Variants in TTF2 observed in about 807,000 individuals in gnomAD.
The protein encoded by TTF2 is transcription termination factor 2.
A neutral mutation model predicts 142.4 loss-of-function variants in TTF2; 108 were observed. The observed-to-expected ratio is 0.76, with a 90% confidence interval of 0.65 to 0.89. The LOEUF (loss-of-function observed/expected upper bound fraction) is 0.89. Ranked by LOEUF, TTF2 falls within the 40% of genes least tolerant of loss-of-function variation. TTF2 has a pLI of 0.00. For synonymous variants in TTF2, 483 were observed against 506.2 expected, an observed-to-expected ratio of 0.95 and a Z score of 0.61; for missense variants, 1,327 against 1,379.8, an observed-to-expected ratio of 0.96 and a Z score of 0.61.
At position 117,086,638 on chromosome 1, in the gene TTF2, A is replaced by G; in HGVS notation, c.2160+116A>G. 1.5e-6 allele frequency: 1 copy of G among 682,022 alleles called. No homozygotes were observed. Among genetic ancestry groups the G allele is most frequent in the Non-Finnish European group, 2.6e-6 (1 of 381,916 alleles). 42.2% of individuals were successfully genotyped at this position (682,022 alleles called of 1,614,324 possible). On this transcript the variant is annotated intron_variant, in intron 12 of 22. Transcript: ENST00000369466. This position sits in a 1 kb window ranked among gnomAD's most constrained non-coding sequence, Gnocchi z 4.2. ...TCCCTGGAGGTCAGGAATGCTGTAA[A>G]TGATCCGCATGTGGAAAGGAATTGT...
At chr1:117,060,422 G>C in intron 1 of TTF2, 33 bp from the exon 2 acceptor site, 1 of 1,610,534 alleles carries the variant, frequency 6.2e-7, no homozygotes, top group Non-Finnish European at 8.5e-7. Flanking sequence ...ATTTAGCGTG[G>C]CGTAATCGTT....
In TTF2 at chr1:117,075,074, G is replaced by A. The variant is rs1376576108; in HGVS notation, c.490G>A (p.Asp164Asn). 4.3e-6 allele frequency: 7 copies of A among 1,613,902 alleles called. No homozygotes were observed. Among genetic ancestry groups the A allele is most frequent in the African/African-American group, 1.3e-5 (1 of 74,948 alleles). Residue 164 changes from aspartate to asparagine, a missense_variant, in exon 5 of 23, where the codon GAT becomes AAT. Physicochemically the swap from Asp to Asn is conservative, Grantham distance 23. Coordinates refer to ENST00000369466, the MANE Select transcript of TTF2 (RefSeq NM_003594.4). This position sits in a 1 kb window ranked among gnomAD's most constrained non-coding sequence, Gnocchi z 4.5. ...KQREKGDQLF[D>N]QKKEQKPEMM... ...AAGAGAAAAGGGAGATCAGCTTTTCGATCAAAAGAAAGAACAGAAGCCTGA... is the reference window on the plus strand; with the variant it reads ...AAGAGAAAAGGGAGATCAGCTTTTCAATCAAAAGAAAGAACAGAAGCCTGA...
Position 117,091,396 on chromosome 1 carries a change from A to T in TTF2, c.2657A>T (p.Asn886Ile), listed in dbSNP as rs967280926. ...RGNQSGRSPNNPFSRVALEFG... is the reference protein window; with the variant it reads ...RGNQSGRSPNIPFSRVALEFG... ...AACCAATCTGGAAGAAGCCCTAATA[A>T]TCCATTCAGTAGAGGTAAGCTGTAG... Residue 886 changes from asparagine (N) to isoleucine (I), a missense_variant, in exon 16 of 23, where the codon AAT becomes ATT. Transcript: ENST00000369466. 1 of 1,613,468 alleles carries T rather than the reference A, an allele frequency of 6.2e-7. No individual in the cohort carries two copies. Among genetic ancestry groups the T allele is most frequent in the Admixed American group, 1.7e-5 (1 of 59,824 alleles).
At chr1:117,081,370 T>C (rs1000467403) in intron 9 of TTF2, among the ~76,000 whole-genome samples, 1 of 152,208 alleles carries the variant, frequency 6.6e-6, no homozygotes, top group Non-Finnish European at 1.5e-5. Context: ...CCAAGAAATG[T>C]TCATTTATGT....
In TTF2 at chr1:117,079,708, CG is replaced by C; in HGVS notation, c.1783+60del. On this transcript the variant is annotated intron_variant, in intron 9 of 22. Coordinates refer to ENST00000369466, the MANE Select transcript of TTF2 (RefSeq NM_003594.4). This position sits in a 1 kb window ranked among gnomAD's most constrained non-coding sequence, Gnocchi z 4.2. ...GAATGCTTAGGCATTGTGCTAAACA[CG>C]TAGTGTTGTTTCATTTATTCCTCTC... 6.7e-7 allele frequency: 1 copy of C among 1,495,038 alleles called. No homozygotes were observed. The highest frequency in any genetic ancestry group is 9.3e-7 in the Non-Finnish European group (1 of 1,071,556). 92.6% of individuals were successfully genotyped at this position (1,495,038 alleles called of 1,614,324 possible).
chr1:117,090,396 C>A lies in TTF2; in HGVS notation c.2497-136C>A. The A allele has an allele frequency of 9.0e-7, 1 of 1,110,838 alleles. No individual in the cohort carries two copies. Among genetic ancestry groups the A allele is most frequent in the Non-Finnish European group, 1.3e-6 (1 of 770,136 alleles). 68.8% of individuals were successfully genotyped at this position (1,110,838 alleles called of 1,614,324 possible). On this transcript the variant is annotated intron_variant, in intron 14 of 22. Coordinates refer to ENST00000369466, the MANE Select transcript of TTF2 (RefSeq NM_003594.4). This position sits in a 1 kb window ranked among gnomAD's most constrained non-coding sequence, Gnocchi z 4.8. Reference sequence around the variant, plus strand: ...AATCCAGTTGTACTGTATGTTGGAGCAGTCCTGTGTCTAAGAAAGGGTGGA... The same window carrying A: ...AATCCAGTTGTACTGTATGTTGGAGAAGTCCTGTGTCTAAGAAAGGGTGGA...
intron 11 of TTF2, among the ~76,000 whole-genome samples, chr1:117,084,573 G>A (rs1332342116): frequency 6.6e-6 from 1 of 152,166 alleles, no homozygotes; most frequent in African/African-American, 2.4e-5. Context: ...AGTTGCTATA[G>A]GTTGATTATA....
rs949839873 is a variant in TTF2 at position 117,095,833 on chromosome 1, G to C, written c.3036-316G>C. On this transcript the variant is annotated intron_variant, in intron 19 of 22. Coordinates refer to ENST00000369466, the MANE Select transcript of TTF2 (RefSeq NM_003594.4). ...GAAGGGTGGTCAGTGTGTCCCTTTT[G>C]TGCAGGACCACAGATTTCTGGATGA... Among the ~76,000 whole-genome samples, 15 of 152,316 alleles carry C rather than the reference G, an allele frequency of 9.8e-5. 1 individual carries two copies. The highest frequency in any genetic ancestry group is 8.5e-4 in the Admixed American group (13 of 15,304).
At position 117,095,351 on chromosome 1, in the gene TTF2, T is replaced by G; in HGVS notation, c.3019T>G (p.Ser1007Ala). The change falls in exon 19 of 23, where the codon TCA becomes GCA. Residue 1007 changes from serine (S) to alanine (A), a missense_variant. Physicochemically the swap from Ser to Ala is moderately conservative, Grantham distance 99 (BLOSUM62 1). Transcript: ENST00000369466. ...LAELEAIQRN[S>A]ASQKSVIVSQ... Reference sequence around the variant, plus strand: ...AGAATTGGAGGCAATTCAAAGAAATTCAGCATCCCAAAAGAGGTAACTGCG... The same window carrying G: ...AGAATTGGAGGCAATTCAAAGAAATGCAGCATCCCAAAAGAGGTAACTGCG... The G allele has an allele frequency of 6.2e-7, 1 of 1,614,174 alleles. No homozygotes were observed. The highest frequency in any genetic ancestry group is 8.5e-7 in the Non-Finnish European group (1 of 1,180,006).
Position 117,092,672 on chromosome 1 carries a change from A to G in TTF2, c.2806-59A>G. The G allele has an allele frequency of 6.4e-7, 1 of 1,552,476 alleles. No homozygotes were observed. Among genetic ancestry groups the G allele is most frequent in the Non-Finnish European group, 8.7e-7 (1 of 1,147,276 alleles). On this transcript the variant is annotated intron_variant, in intron 17 of 22. Transcript: ENST00000369466. The surrounding 1 kb of genome is among the most constrained non-coding windows in gnomAD (Gnocchi z 4.4). Reference sequence around the variant, plus strand: ...GGTAAACAATCAAAACATCATCAACAAGTAACAAGGTTTGCTCCCTTGACT... The same window carrying G: ...GGTAAACAATCAAAACATCATCAACGAGTAACAAGGTTTGCTCCCTTGACT...
chr1:117,095,509 A>C (rs1649040497), intron 19 of TTF2, 142 bp downstream of exon 19: 2 of 730,614 alleles, frequency 2.7e-6, no homozygotes, highest in Non-Finnish European at 2.3e-6. Context: ...TGTGATTTCT[A>C]ATTAAAATAT....
Position 117,105,819 on chromosome 1 carries a change from T to C in TTF2, c.*4295T>C, listed in dbSNP as rs954477078. The C allele has an allele frequency of 2.0e-5, 3 of 152,220 alleles. No individual in the cohort carries two copies. The highest frequency in any genetic ancestry group is 2.4e-5 in the African/African-American group (1 of 41,450). The allele number at this position is 152,220 out of a possible 1,614,324, so 9.4% of individuals were successfully genotyped here. A position where few individuals can be genotyped will look rare whatever the true frequency, so the allele number is the denominator to read the frequency against. ...TTTTCTGTTTATGGGAGGTGACTTA[T>C]TTCTCTATCAATCCTGTGAGTGATT... On this transcript the variant is annotated 3_prime_UTR_variant, in exon 23 of 23. Coordinates refer to ENST00000369466, the MANE Select transcript of TTF2 (RefSeq NM_003594.4). This position sits in a 1 kb window ranked among gnomAD's most constrained non-coding sequence, Gnocchi z 4.7.
chr1:117,074,034 A>G (rs1324224834), intron 4 of TTF2, among the ~76,000 whole-genome samples: 2 of 152,190 alleles, frequency 1.3e-5, no homozygotes, highest in Non-Finnish European at 1.5e-5. Context: ...GTATCTTTTT[A>G]TAGAGGAATT....
Position 117,086,536 on chromosome 1 carries a change from G to A in TTF2, c.2160+14G>A, listed in dbSNP as rs367813486. The A allele has an allele frequency of 2.9e-5, 47 of 1,600,038 alleles. No homozygotes were observed. The highest frequency in any genetic ancestry group is 8.0e-5 in the African/African-American group (6 of 74,590). ...CTCAATGTGGAGGTGAGGCTGGGGG[G>A]CAGCCAGGGAAGTGGAGTTGGAGCC... On this transcript the variant is annotated intron_variant, in intron 12 of 22. Coordinates refer to ENST00000369466, the MANE Select transcript of TTF2 (RefSeq NM_003594.4). This position sits in a 1 kb window ranked among gnomAD's most constrained non-coding sequence, Gnocchi z 4.2.
In TTF2 at chr1:117,107,038, T is replaced by G. The variant is rs2101307977; in HGVS notation, c.*5514T>G. 6.6e-6 allele frequency: 1 copy of G among 152,354 alleles called. No homozygotes were observed. Among genetic ancestry groups the G allele is most frequent in the South Asian group, 2.1e-4 (1 of 4,826 alleles). The allele number at this position is 152,354 out of a possible 1,614,324, so 9.4% of individuals were successfully genotyped here. Reference sequence around the variant, plus strand: ...AGAGGCATAACGTACATCATAATGCTGCATCTTGTTGACGCTTCAATGCTC... The same window carrying G: ...AGAGGCATAACGTACATCATAATGCGGCATCTTGTTGACGCTTCAATGCTC... On this transcript the variant is annotated 3_prime_UTR_variant, in exon 23 of 23. Transcript: ENST00000369466.
intron 3 of TTF2, among the ~76,000 whole-genome samples, chr1:117,067,326 G>A (rs111637798): frequency 0.057 from 8,611 of 152,030 alleles, 340 homozygotes; most frequent in East Asian, 0.12. Context: ...GAGGCCAGGA[G>A]TTCAAGACCA....
chr1:117,089,353 A>G (rs762553844), intron 13 of TTF2, among the ~76,000 whole-genome samples: 1 of 151,408 alleles, frequency 6.6e-6, no homozygotes, highest in African/African-American at 2.4e-5. Flanking sequence ...GGCTAGCACT[A>G]CAATTTATTT....
In TTF2 at chr1:117,090,325, C is replaced by G; in HGVS notation, c.2496+117C>G. 7.1e-7 allele frequency: 1 copy of G among 1,415,620 alleles called. No homozygotes were observed. The highest frequency in any genetic ancestry group is 9.6e-7 in the Non-Finnish European group (1 of 1,040,016). The allele number at this position is 1,415,620 out of a possible 1,614,324, so 87.7% of individuals were successfully genotyped here. A position where few individuals can be genotyped will look rare whatever the true frequency, so the allele number is the denominator to read the frequency against. ...AGGAGCCTCTGAGTTTCCCATCCTC[C>G]TGTGAGGAGGCCCCAGGGTTGCAGT... On this transcript the variant is annotated intron_variant, in intron 14 of 22. Transcript: ENST00000369466. The surrounding 1 kb of genome is among the most constrained non-coding windows in gnomAD (Gnocchi z 4.8).
rs1047328197 is a variant in TTF2, at chr1:117,076,507, T to A, written c.1391-134T>A. 2 of 1,140,236 alleles carry A rather than the reference T, an allele frequency of 1.8e-6. No homozygotes were observed. The highest frequency in any genetic ancestry group is 1.6e-5 in the African/African-American group (1 of 63,932). 70.6% of individuals were successfully genotyped at this position (1,140,236 alleles called of 1,614,324 possible). On this transcript the variant is annotated intron_variant, in intron 6 of 22. Transcript: ENST00000369466. This position sits in a 1 kb window ranked among gnomAD's most constrained non-coding sequence, Gnocchi z 4.6. ...TCTTCCCCATTGTTTAAGCAACTGTTAAAATGCTACCTTCTCTAGGAATCC... is the reference window on the plus strand; with the variant it reads ...TCTTCCCCATTGTTTAAGCAACTGTAAAAATGCTACCTTCTCTAGGAATCC...
Sources: allele counts gnomAD v4.1 joint callset (sites outside exome capture counted in the v4.1 genomes callset), GRCh38; gene constraint gnomAD v4.1.1; non-coding constraint Gnocchi (gnomAD v3.1); transcripts MANE v1.5; gene names NCBI Gene and HGNC (gene_info 2026-07-23, HGNC 2026-07-21).